The following CSPP1 variants were observed in gnomAD, a reference collection of about 807,000 sequenced individuals.
CSPP1 encodes centrosome and spindle pole-associated protein 1.
CSPP1 carries 126 observed loss-of-function variants against 164.4 expected under a neutral mutation model. The observed-to-expected ratio is 0.77, with a 90% CI of 0.66 to 0.89. The LOEUF (loss-of-function observed/expected upper bound fraction) is 0.89. Among genes scored for constraint, CSPP1 ranks in the 40% least tolerant of loss-of-function variants. CSPP1 has a pLI of 0.00. For synonymous variants in CSPP1, 472 were observed against 476.7 expected (o/e 0.99, Z 0.13); for missense variants, 1,395 against 1,449.8 (o/e 0.96, Z 0.61).
chr8:67,122,783 A>G (rs1819222315), intron 15 of CSPP1, among the ~76,000 whole-genome samples: 1 of 151,480 alleles, frequency 6.6e-6, no homozygotes, highest in South Asian at 2.1e-4. Context: ...TATTTCCTTG[A>G]TCTTCTGTGT....
chr8:67,165,461 C>A (rs1016078720), intron 24 of CSPP1, among the ~76,000 whole-genome samples: 3 of 152,168 alleles, frequency 2.0e-5, no homozygotes, highest in Non-Finnish European at 4.4e-5. Context: ...TACTAATGTT[C>A]TCCTTCTGTT....
intron 28 of CSPP1, among the ~76,000 whole-genome samples, chr8:67,185,731 AGAT>A (rs1834386009): frequency 6.6e-6 from 1 of 152,026 alleles, no homozygotes; most frequent in Non-Finnish European, 1.5e-5. Flanking sequence ...CTGCTGCTGA[AGAT>A]GATGAAGATG....
At position 67,116,111 on chromosome 8, in the gene CSPP1, G is replaced by A; in HGVS notation, c.1485G>A (p.Met495Ile). 6.2e-7 allele frequency: 1 copy of A among 1,612,602 alleles called. No individual in the cohort carries two copies. The highest frequency in any genetic ancestry group is 8.5e-7 in the Non-Finnish European group (1 of 1,178,742). ...RSGLSSALGE[M>I]VSPRIAPLPP... The stretch of plus-strand genomic sequence containing the variant: ...GACTCAGCAGCGCCCTTGGTGAAAT[G>A]GTGTCTCCCAGGTGCTTGTTTAAAT... Residue 495 changes from methionine to isoleucine, a missense_variant, in exon 13 of 31, where the codon ATG (methionine) becomes ATA (isoleucine). Coordinates refer to ENST00000678616, the MANE Select transcript of CSPP1 (RefSeq NM_001382391.1).
chr8:67,093,535 A>T lies in CSPP1; in HGVS notation c.385-8A>T. ...ATTTTAACATTGCCTTTTGATTTTT[A>T]TTTTAAGGAAAGGTTGAAACTTGAA... is the stretch of plus-strand genomic sequence containing the variant. On this transcript the variant is annotated splice_region_variant and splice_polypyrimidine_tract_variant and intron_variant, in intron 5 of 30. Transcript: ENST00000678616. The T allele has an allele frequency of 1.9e-6, 3 of 1,568,308 alleles. No individual in the cohort carries two copies. The highest frequency in any genetic ancestry group is 2.6e-6 in the Non-Finnish European group (3 of 1,146,310).
At chr8:67,164,596 C>A (rs1014417426) in intron 24 of CSPP1, 88 bp downstream of exon 24, 2 of 613,790 alleles carry the variant, frequency 3.3e-6, no homozygotes, top group Non-Finnish European at 5.9e-6. Flanking sequence ...GGGAACAGGA[C>A]TAATTCATCT....
At chr8:67,191,714 T>G (rs2129575437) in intron 29 of CSPP1, among the ~76,000 whole-genome samples, 1 of 152,366 alleles carries the variant, frequency 6.6e-6, no homozygotes, top group East Asian at 1.9e-4. Context: ...GTATGGATAC[T>G]ATTAATGTTC....
At position 67,193,256 on chromosome 8, in the gene CSPP1, G is replaced by A. The variant is rs551509179; in HGVS notation, c.3331-208G>A. On this transcript the variant is annotated intron_variant, in intron 29 of 30. Transcript: ENST00000678616. ...GGGGACTACAGGCGCCTGCCACCAT[G>A]CCCAGCTAATTTGTATTTTTAGTAG... Among the ~76,000 whole-genome samples, 22 of 152,146 alleles carry A rather than the reference G, an allele frequency of 1.4e-4. No homozygotes were observed. The East Asian group carries it at 4.3e-3, about 29-fold the overall frequency.
chr8:67,124,873 GTCTC>G (rs941875516), intron 15 of CSPP1, among the ~76,000 whole-genome samples: 1 of 151,924 alleles, frequency 6.6e-6, no homozygotes, highest in Non-Finnish European at 1.5e-5. Context: ...AGAGACAGGC[GTCTC>G]TCTGTGTATC....
chr8:67,104,529 C>T (rs72654944), intron 8 of CSPP1, among the ~76,000 whole-genome samples: 3 of 152,094 alleles, frequency 2.0e-5, no homozygotes, highest in Non-Finnish European at 2.9e-5. Context: ...AGCCATTGCG[C>T]ATGGCCAGGA....
At chr8:67,080,528 C>G (rs1202282362) in intron 3 of CSPP1, among the ~76,000 whole-genome samples, 1 of 152,218 alleles carries the variant, frequency 6.6e-6, no homozygotes, top group Non-Finnish European at 1.5e-5. Context: ...CCAAACTTCA[C>G]AGGTTAAGGG....
At chr8:67,185,657 A>G (rs1834361225) in intron 28 of CSPP1, among the ~76,000 whole-genome samples, 1 of 152,188 alleles carries the variant, frequency 6.6e-6, no homozygotes, top group Admixed American at 6.5e-5. Context: ...CTCTTGAAGT[A>G]TATCTGGAAA....
At chr8:67,133,890 C>T (rs1260113307) in intron 16 of CSPP1, 1 of 152,148 alleles carries the variant, frequency 6.6e-6, no homozygotes, top group African/African-American at 2.4e-5. Context: ...CTCAAGAGAC[C>T]ACTTTCTTTG....
chr8:67,177,674 C>T lies in CSPP1; in HGVS notation c.3110-6C>T, dbSNP rs1832019846. 6.2e-7 allele frequency: 1 copy of T among 1,603,322 alleles called. No homozygotes were observed. Among genetic ancestry groups the T allele is most frequent in the Non-Finnish European group, 8.5e-7 (1 of 1,171,006 alleles). ...TTAATTTGCTTTTGTTCTCCATTGA[C>T]TACAGTTGACTTAGATGCCATCCCA... On this transcript the variant is annotated splice_region_variant and splice_polypyrimidine_tract_variant and intron_variant, in intron 26 of 30. Coordinates refer to ENST00000678616, the MANE Select transcript of CSPP1 (RefSeq NM_001382391.1).
intron 7 of CSPP1, 126 bp downstream of exon 7, chr8:67,095,858 G>T: frequency 1.6e-6 from 1 of 623,348 alleles, no homozygotes; most frequent in Non-Finnish European, 2.7e-6. Flanking sequence ...TTAATTCTAA[G>T]ATGCTGTCAG....
rs563258922 is a variant in CSPP1, at chr8:67,149,916, T to A, written c.2109T>A (p.Asp703Glu). The change falls in exon 18 of 31, where the codon GAT becomes GAA. Residue 703 changes from aspartate to glutamate, a missense_variant. Asp to Glu is a conservative substitution (Grantham distance 45, BLOSUM62 2). Transcript: ENST00000678616. ...CTTCAAATGCTGAGAACCTAGAAGA[T>A]GCTGCAAATAAAAGCTCAGGTTTTT... The part of the protein sequence containing the change: ...LATSNAENLE[D>E]AANKSSGHMQ... 1.9e-6 allele frequency: 3 copies of A among 1,566,446 alleles called. No homozygotes were observed. Among genetic ancestry groups the A allele is most frequent in the East Asian group, 2.3e-5 (1 of 43,712 alleles).
chr8:67,095,857 A>C, intron 7 of CSPP1, 125 bp downstream of exon 7: 2 of 624,378 alleles, frequency 3.2e-6, no homozygotes, highest in Admixed American at 6.6e-5. Context: ...ATTAATTCTA[A>C]GATGCTGTCA....
At chr8:67,117,138 C>T (rs1460520140) in intron 13 of CSPP1, among the ~76,000 whole-genome samples, 1 of 152,086 alleles carries the variant, frequency 6.6e-6, no homozygotes, top group Non-Finnish European at 1.5e-5. Flanking sequence ...TTCATGTTTA[C>T]AATTACAGGG....
intron 17 of CSPP1, among the ~76,000 whole-genome samples, chr8:67,140,049 A>G (rs1364927493): frequency 2.0e-5 from 3 of 152,028 alleles, no homozygotes; most frequent in East Asian, 3.9e-4. Flanking sequence ...GTTTTTTTGA[A>G]GATATATTTG....
At chr8:67,080,795 A>G (rs1265623892) in intron 3 of CSPP1, 3 of 152,264 alleles carry the variant, frequency 2.0e-5, no homozygotes, top group Non-Finnish European at 4.4e-5. Flanking sequence ...CGGTCCAAAC[A>G]TTAATTATCT....
Sources: gnomAD v4.1 joint callset for allele counts (sites outside exome capture counted in the v4.1 genomes callset) on GRCh38, gnomAD v4.1.1 for gene constraint, MANE v1.5 for transcripts, NCBI Gene and HGNC (gene_info 2026-07-23, HGNC 2026-07-21) for gene names.